Variants in PKHD1 observed in about 807,000 individuals in gnomAD.
PKHD1 encodes fibrocystin.
In PKHD1, 291 loss-of-function variants were observed where a neutral mutation model predicts 412.0. The ratio of observed to expected loss-of-function variants is 0.71; its 90% CI spans 0.64 to 0.78. PKHD1 has a LOEUF of 0.78. Among genes scored for constraint, PKHD1 ranks in the 30% least tolerant of loss-of-function variants. PKHD1 has a pLI of 0.00. For missense variants in PKHD1, 4,825 were observed against 4,950.7 expected (o/e 0.97, Z 0.76); for synonymous variants, 1,777 against 1,821.5 (o/e 0.98, Z 0.62).
At chr6:51,758,044 GAGAGAGAGAA>G (rs1787343934) in intron 55 of PKHD1, among the ~76,000 whole-genome samples, 1 of 149,192 alleles carries the variant, frequency 6.7e-6, no homozygotes, top group Non-Finnish European at 1.5e-5. Context: ...GAGAGAGAGA[GAGAGAGAGAA>G]AACAAAGCAA....
At chr6:51,709,849 A>ATTTTTTTTTTTTTTT (rs10636108) in intron 60 of PKHD1, among the ~76,000 whole-genome samples, 2 of 142,326 alleles carry the variant, frequency 1.4e-5, no homozygotes, top group African/African-American at 2.6e-5. Context: ...TGCTTTAGTC[A>ATTTTTTTTTTTTTTT]TTTTTTTTTT....
intron 43 of PKHD1, among the ~76,000 whole-genome samples, chr6:51,900,280 G>T (rs368240777): frequency 6.6e-6 from 1 of 152,134 alleles, no homozygotes; most frequent in African/African-American, 2.4e-5. Context: ...ATACTACAAG[G>T]CTACAGTAAC....
intron 65 of PKHD1, among the ~76,000 whole-genome samples, chr6:51,630,313 C>T (rs536886330): frequency 1.6e-4 from 25 of 152,248 alleles, no homozygotes; most frequent in Admixed American, 6.5e-5. Context: ...TCATATACTT[C>T]AGCAAAAACA....
chr6:51,656,906 T>A (rs1050050319), intron 61 of PKHD1, among the ~76,000 whole-genome samples: 23 of 151,900 alleles, frequency 1.5e-4, no homozygotes, highest in African/African-American at 5.3e-4. Context: ...TCCACCTACC[T>A]CCACCTCCCA....
intron 52 of PKHD1, among the ~76,000 whole-genome samples, chr6:51,817,939 T>A (rs755731462): frequency 1.3e-5 from 2 of 152,176 alleles, no homozygotes; most frequent in Non-Finnish European, 2.9e-5. Context: ...ACACTACTGC[T>A]GCCTGAAAAA....
chr6:51,996,914 A>T (rs1212213509), intron 35 of PKHD1, among the ~76,000 whole-genome samples: 2 of 152,208 alleles, frequency 1.3e-5, no homozygotes, highest in Admixed American at 6.5e-5. Context: ...CACTGCTACC[A>T]TATTTTTACC....
rs1188316496 is a variant in PKHD1, at chr6:52,071,848, G to C, written c.602+267C>G. The stretch of plus-strand genomic sequence containing the variant: ...GACTTCAATGTAAAGCATTCGAGCA[G>C]AGCTTGGCCTATGGTAAGCCCCTAA... On this transcript the variant is annotated intron_variant, in intron 8 of 66. Transcript: ENST00000371117. Among the ~76,000 whole-genome samples, 3 of 152,178 alleles carry C rather than the reference G, an allele frequency of 2.0e-5. No individual in the cohort carries two copies. The East Asian group carries it at 5.8e-4, about 29-fold the overall frequency.
chr6:51,630,992 G>A (rs779757763), intron 65 of PKHD1, among the ~76,000 whole-genome samples: 51 of 152,138 alleles, frequency 3.4e-4, no homozygotes, highest in Non-Finnish European at 1.3e-4. Flanking sequence ...AGATATATTT[G>A]TAAACACAGG....
intron 54 of PKHD1, among the ~76,000 whole-genome samples, chr6:51,775,050 AAATAT>A (rs1790774995): frequency 7.0e-6 from 1 of 142,312 alleles, no homozygotes; most frequent in South Asian, 2.1e-4. Flanking sequence ...CACACAGCTT[AAATAT>A]AATAACATAT....
At chr6:51,859,398 C>T (rs1195681866) in intron 48 of PKHD1, among the ~76,000 whole-genome samples, 1 of 151,836 alleles carries the variant, frequency 6.6e-6, no homozygotes, top group East Asian at 1.9e-4. Context: ...TGGCAGCATG[C>T]GCCTGTAGTC....
intron 33 of PKHD1, among the ~76,000 whole-genome samples, chr6:52,022,480 G>A (rs1458453905): frequency 6.6e-6 from 1 of 152,078 alleles, no homozygotes; most frequent in Non-Finnish European, 1.5e-5. Flanking sequence ...GACTCCTATA[G>A]CTGTCATTGA....
At chr6:51,740,482 G>A (rs530582430) in intron 60 of PKHD1, among the ~76,000 whole-genome samples, 12 of 152,144 alleles carry the variant, frequency 7.9e-5, no homozygotes, top group African/African-American at 2.9e-4. Flanking sequence ...AGGATATAAG[G>A]GTCTGTTAAA....
intron 36 of PKHD1, among the ~76,000 whole-genome samples, chr6:51,948,740 G>C (rs1789856568): frequency 6.6e-6 from 1 of 152,124 alleles, no homozygotes; most frequent in East Asian, 1.9e-4. Context: ...AGAAAGGTAA[G>C]GTGGGTAAAG....
At chr6:51,910,825 AGGGAGGGAGGT>A (rs1488794221) in intron 39 of PKHD1, among the ~76,000 whole-genome samples, 1 of 152,100 alleles carries the variant, frequency 6.6e-6, no homozygotes, top group Non-Finnish European at 1.5e-5. Flanking sequence ...GATGATTTGT[AGGGAGGGAGGT>A]GAGGCCAAAC....
chr6:51,850,325 T>G (rs888261461), intron 49 of PKHD1, among the ~76,000 whole-genome samples: 1 of 152,204 alleles, frequency 6.6e-6, no homozygotes, highest in Non-Finnish European at 1.5e-5. Context: ...AGTCAGGTAG[T>G]GTGATGCCTC....
At chr6:52,022,123 T>C (rs1801484392) in intron 33 of PKHD1, among the ~76,000 whole-genome samples, 1 of 152,202 alleles carries the variant, frequency 6.6e-6, no homozygotes, top group South Asian at 2.1e-4. Flanking sequence ...GGTATTACCA[T>C]GTGTTGTGAA....
intron 5 of PKHD1, among the ~76,000 whole-genome samples, chr6:52,078,231 T>C (rs886494308): frequency 5.3e-5 from 8 of 152,080 alleles, no homozygotes; most frequent in African/African-American, 1.7e-4. Context: ...CAACATAACA[T>C]GGTACGTTTC....
At chr6:51,891,372 C>T (rs908120404) in intron 43 of PKHD1, among the ~76,000 whole-genome samples, 5 of 152,056 alleles carry the variant, frequency 3.3e-5, no homozygotes, top group African/African-American at 4.8e-5. Flanking sequence ...CTCCACCTCC[C>T]GGATTCAAGC....
chr6:51,659,468 A>G lies in PKHD1; in HGVS notation c.10658T>C (p.Ile3553Thr), dbSNP rs137852948. Residue 3553 changes from isoleucine (I) to threonine (T), a missense_variant, in exon 61 of 67, where the codon ATT becomes ACT. Transcript: ENST00000371117. ...AATGGAAACACCTGAGCGTATTTCA[A>G]TGGGCTCCTCTCCTTGTAGGACAAC... ...LYVVLQGEEP[I>T]EIRSGVSIHL... 2.0e-5 allele frequency: 33 copies of G among 1,613,648 alleles called. No homozygotes were observed. Among genetic ancestry groups the G allele is most frequent in the Non-Finnish European group, 2.7e-5 (32 of 1,179,858 alleles).
Sources: gnomAD v4.1 joint callset for allele counts (sites outside exome capture counted in the v4.1 genomes callset) on GRCh38, gnomAD v4.1.1 for gene constraint, MANE v1.5 for transcripts, NCBI Gene and HGNC (gene_info 2026-07-23, HGNC 2026-07-21) for gene names.